The following YIPF1 variants were observed in gnomAD, a reference collection of about 807,000 sequenced individuals.
The protein encoded by YIPF1 is protein YIPF1.
YIPF1 carries 22 observed loss-of-function variants against 37.0 expected under a neutral mutation model. The observed-to-expected ratio is 0.59, with a 90% confidence interval of 0.42 to 0.85. The LOEUF (loss-of-function observed/expected upper bound fraction) is 0.85. YIPF1 is among the 40% of genes least tolerant of loss of function. YIPF1 has a pLI of 0.00. For missense variants in YIPF1, 355 were observed against 373.1 expected, an observed-to-expected ratio of 0.95 and a Z score of 0.40; for synonymous variants, 128 against 131.9, an observed-to-expected ratio of 0.97 and a Z score of 0.21.
chr1:53,884,182 C>A (rs940975263), intron 3 of YIPF1, among the ~76,000 whole-genome samples: 1 of 144,906 alleles, frequency 6.9e-6, no homozygotes, highest in Non-Finnish European at 1.5e-5. Flanking sequence ...CTGCAGTGAG[C>A]CGTGATCATA....
chr1:53,868,457 G>A (rs1026704567), intron 7 of YIPF1, among the ~76,000 whole-genome samples: 1 of 152,152 alleles, frequency 6.6e-6, no homozygotes, highest in Non-Finnish European at 1.5e-5. Flanking sequence ...ATTAATAGGA[G>A]AATTAAATGA....
chr1:53,872,159 A>G (rs1278992310), intron 6 of YIPF1, among the ~76,000 whole-genome samples: 2 of 152,138 alleles, frequency 1.3e-5, no homozygotes, highest in Admixed American at 1.3e-4. Flanking sequence ...CAGTGTTTCA[A>G]AAGGTACAAA....
At chr1:53,876,294 G>A (rs76103914) in intron 6 of YIPF1, among the ~76,000 whole-genome samples, 2,643 of 152,080 alleles carry the variant, frequency 0.017, 42 homozygotes, top group East Asian at 0.065. Flanking sequence ...TATGTCCCCT[G>A]GTCTGTGGTT....
intron 6 of YIPF1, 88 bp downstream of exon 6, chr1:53,878,227 A>G: frequency 7.7e-7 from 1 of 1,299,278 alleles, no homozygotes; most frequent in Non-Finnish European, 1.1e-6. Context: ...ATGCCCCACC[A>G]ATAGTGCAGT....
chr1:53,878,364 G>T lies in YIPF1; in HGVS notation c.315C>A (p.Pro105=). The T allele has an allele frequency of 6.2e-7, 1 of 1,613,992 alleles. No individual in the cohort carries two copies. Among genetic ancestry groups the T allele is most frequent in the Non-Finnish European group, 8.5e-7 (1 of 1,179,982 alleles). The change falls in exon 6 of 11, where the codon CCC becomes CCA. Residue 105 remains proline (P), a synonymous_variant. Transcript: ENST00000072644. ...TATATAACCTCACAAAGTTTTTCCCGGGTATTGGCAAAAGAGATCCTTTAA... is the reference window on the plus strand; with the variant it reads ...TATATAACCTCACAAAGTTTTTCCCTGGTATTGGCAAAAGAGATCCTTTAA... ...DRIKGSLLPI[P]GKNFVRLYIR... is the part of the protein sequence containing the mutation.
At chr1:53,853,422 A>T (rs1025454941) in intron 10 of YIPF1, among the ~76,000 whole-genome samples, 5 of 152,304 alleles carry the variant, frequency 3.3e-5, no homozygotes, top group African/African-American at 1.2e-4. Flanking sequence ...AATTTGAGGC[A>T]ACTGTTGGTA....
At position 53,871,346 on chromosome 1, in the gene YIPF1, C is replaced by A. The variant is rs780329660; in HGVS notation, c.481+26G>T. The stretch of plus-strand genomic sequence containing the variant: ...CTCAAAGCTAGAAACTGACAGCATT[C>A]CAAATGAGTCAAGCTATTCACCAAC... On this transcript the variant is annotated intron_variant, in intron 7 of 10. Transcript: ENST00000072644. The A allele has an allele frequency of 2.5e-6, 4 of 1,597,904 alleles. No homozygotes were observed. The South Asian group carries it at 4.4e-5, about 18-fold the overall frequency.
intron 3 of YIPF1, among the ~76,000 whole-genome samples, chr1:53,886,932 G>A (rs1254153469): frequency 6.6e-6 from 1 of 151,966 alleles, no homozygotes; most frequent in Non-Finnish European, 1.5e-5. Flanking sequence ...CCCAAGCTGT[G>A]AATGTACTTG....
Position 53,878,748 on chromosome 1 carries a change from T to A in YIPF1, c.196-26A>T, listed in dbSNP as rs200782184. On this transcript the variant is annotated intron_variant, in intron 4 of 10. Coordinates refer to ENST00000072644, the MANE Select transcript of YIPF1 (RefSeq NM_018982.5). ...CTGTCAGAAATAAAATAAAACATAATGAACACATAAGCAATTTCTTAATTC... is the reference window on the plus strand; with the variant it reads ...CTGTCAGAAATAAAATAAAACATAAAGAACACATAAGCAATTTCTTAATTC... 2.5e-6 allele frequency: 4 copies of A among 1,584,074 alleles called. No homozygotes were observed. The African/African-American group carries it at 5.5e-5, about 22-fold the overall frequency.
intron 3 of YIPF1, among the ~76,000 whole-genome samples, chr1:53,888,569 T>C (rs1485108449): frequency 6.6e-6 from 1 of 152,250 alleles, no homozygotes; most frequent in African/African-American, 2.4e-5. Context: ...GATAAACTTC[T>C]TCATCTTTTT....
chr1:53,869,997 T>C (rs1464733395), intron 7 of YIPF1, among the ~76,000 whole-genome samples: 1 of 150,882 alleles, frequency 6.6e-6, no homozygotes, highest in East Asian at 2.0e-4. Context: ...CTCAGCCTCC[T>C]GATTACAGGC....
chr1:53,884,766 C>G (rs1050450386), intron 3 of YIPF1, among the ~76,000 whole-genome samples: 1 of 152,204 alleles, frequency 6.6e-6, no homozygotes, highest in African/African-American at 2.4e-5. Flanking sequence ...CTCCGAATAT[C>G]CTAACATACT....
At position 53,860,103 on chromosome 1, in the gene YIPF1, A is replaced by G. The variant is rs779604820; in HGVS notation, c.882T>C (p.Ala294=). Residue 294 remains alanine (A), a synonymous_variant, in exon 10 of 11, where the codon GCT becomes GCC. Transcript: ENST00000072644. ...PEMDHLPTTT[A]TPNQTVAAAK... is the part of the protein sequence containing the mutation. ...CTGCAGCAACTGTTTGGTTTGGAGT[A>G]GCTGTAGTTGTTGGGAGATGGTCCA... 6.2e-7 allele frequency: 1 copy of G among 1,614,156 alleles called. No homozygotes were observed. The highest frequency in any genetic ancestry group is 1.7e-5 in the Admixed American group (1 of 60,022).
chr1:53,881,251 A>C (rs1276661065), intron 4 of YIPF1, among the ~76,000 whole-genome samples: 1 of 129,114 alleles, frequency 7.7e-6, no homozygotes, highest in Non-Finnish European at 1.8e-5. Flanking sequence ...TCTCAAAAAA[A>C]AAAAAAAAAA....
chr1:53,860,843 A>G (rs1649851625), intron 9 of YIPF1, among the ~76,000 whole-genome samples: 1 of 152,226 alleles, frequency 6.6e-6, no homozygotes, highest in Admixed American at 6.5e-5. Context: ...GAGGGAAGAC[A>G]TAAGGTCTAG....
chr1:53,868,001 A>G (rs1278064221), intron 7 of YIPF1, among the ~76,000 whole-genome samples: 4 of 152,186 alleles, frequency 2.6e-5, no homozygotes, highest in Admixed American at 6.5e-5. Context: ...CCCTTTCTAC[A>G]TGAAAATCAG....
intron 9 of YIPF1, among the ~76,000 whole-genome samples, chr1:53,865,289 C>T (rs948315660): frequency 5.3e-5 from 8 of 152,276 alleles, no homozygotes; most frequent in Middle Eastern, 3.4e-3. Flanking sequence ...CCCACCCCAG[C>T]TCCCTAACTC....
intron 6 of YIPF1, among the ~76,000 whole-genome samples, chr1:53,877,763 A>T (rs1650369760): frequency 6.6e-6 from 1 of 152,246 alleles, no homozygotes; most frequent in African/African-American, 2.4e-5. Flanking sequence ...AGTCAAAGTG[A>T]CTAAATTTGT....
intron 8 of YIPF1, 26 bp from the exon 9 acceptor site, chr1:53,866,408 G>A: frequency 1.2e-6 from 2 of 1,605,342 alleles, no homozygotes; most frequent in Non-Finnish European, 1.7e-6. Context: ...AGGAGGAGCG[G>A]GGAGTTCTTG....
Sources: allele counts gnomAD v4.1 joint callset (sites outside exome capture counted in the v4.1 genomes callset), GRCh38; gene constraint gnomAD v4.1.1; transcripts MANE v1.5; gene names NCBI Gene and HGNC (gene_info 2026-07-23, HGNC 2026-07-21).